ASTN2: variants seen among roughly 807,000 people sequenced by gnomAD.
ASTN2 encodes astrotactin 2.
ASTN2 carries 54 observed loss-of-function variants against 139.8 expected under a neutral mutation model. The observed-to-expected ratio is 0.39, with a 90% CI of 0.31 to 0.48. ASTN2 has a LOEUF of 0.48. Ranked by LOEUF, ASTN2 falls within the 20% of genes least tolerant of loss-of-function variation. The pLI, the probability that ASTN2 is intolerant of heterozygous loss-of-function variation, is 0.95. For synonymous variants in ASTN2, 756 were observed against 719.5 expected, an observed-to-expected ratio of 1.05 and a Z score of -0.81; for missense variants, 1,565 against 1,725.1, an observed-to-expected ratio of 0.91 and a Z score of 1.64.
chr9:117,267,911 C>T (rs1020715172), intron 2 of ASTN2, among the ~76,000 whole-genome samples: 7 of 152,164 alleles, frequency 4.6e-5, no homozygotes, highest in Non-Finnish European at 7.3e-5. Flanking sequence ...GCAACTCCTC[C>T]GAACCTCCAG....
chr9:117,060,372 A>G (rs1419640065), intron 5 of ASTN2, among the ~76,000 whole-genome samples: 8 of 72,342 alleles, frequency 1.1e-4, no homozygotes, highest in African/African-American at 6.2e-4. Context: ...GAAAGAAAGA[A>G]AGAAAGAAAG....
At chr9:117,123,113 G>A (rs191297880) in intron 4 of ASTN2, among the ~76,000 whole-genome samples, 2 of 152,172 alleles carry the variant, frequency 1.3e-5, no homozygotes, top group Admixed American at 6.5e-5. Context: ...CTGTAAGGCC[G>A]TTAAAACACA....
rs1393949124 is a variant in ASTN2 at position 117,027,175 on chromosome 9, C to T, written c.1423+12644G>A. Among the ~76,000 whole-genome samples the T allele has an allele frequency of 2.6e-5, 4 of 152,174 alleles. 1 individual carries two copies. Among genetic ancestry groups the T allele is most frequent in the Admixed American group, 2.0e-4 (3 of 15,278 alleles). ...TTTAGAAATATAATCTCATTTGATT[C>T]TCCCAACCCTACAGATTAAGAAATA... On this transcript the variant is annotated intron_variant, in intron 6 of 22. Coordinates refer to ENST00000313400, the MANE Select transcript of ASTN2 (RefSeq NM_001365068.1).
At chr9:117,112,360 G>A (rs542913585) in intron 4 of ASTN2, among the ~76,000 whole-genome samples, 1 of 152,188 alleles carries the variant, frequency 6.6e-6, no homozygotes, top group South Asian at 2.1e-4. Context: ...AACAAAGTTG[G>A]TAGACTTAAC....
chr9:117,295,327 T>G (rs1326963951), intron 1 of ASTN2, among the ~76,000 whole-genome samples: 1 of 151,628 alleles, frequency 6.6e-6, no homozygotes, highest in African/African-American at 2.4e-5. Context: ...GTCTTTAAAA[T>G]AAAATAAAAT....
chr9:116,549,976 C>T (rs1013058183), intron 19 of ASTN2, among the ~76,000 whole-genome samples: 2 of 152,208 alleles, frequency 1.3e-5, no homozygotes, highest in African/African-American at 2.4e-5. Context: ...CACTCTCCTA[C>T]GCAATGGAAC....
At chr9:117,344,549 T>G (rs1416316917) in intron 1 of ASTN2, among the ~76,000 whole-genome samples, 1 of 152,170 alleles carries the variant, frequency 6.6e-6, no homozygotes, top group Non-Finnish European at 1.5e-5. Flanking sequence ...TTTGTCTTTG[T>G]GTACACACAC....
chr9:116,781,704 C>T (rs41448244), intron 13 of ASTN2, among the ~76,000 whole-genome samples: 2,160 of 152,178 alleles, frequency 0.014, 57 homozygotes, highest in African/African-American at 0.049. Context: ...TCTGATTCCT[C>T]CATGGGTTTC....
chr9:116,763,035 CA>C (rs1203740171), intron 13 of ASTN2, among the ~76,000 whole-genome samples: 2 of 152,108 alleles, frequency 1.3e-5, no homozygotes, highest in African/African-American at 4.8e-5. Flanking sequence ...TACTTTATTC[CA>C]ATGTCTGTTC....
intron 10 of ASTN2, among the ~76,000 whole-genome samples, chr9:116,872,926 C>T (rs1833203697): frequency 6.6e-6 from 1 of 152,064 alleles, no homozygotes; most frequent in Admixed American, 6.6e-5. Context: ...AGAGAAGATT[C>T]CTGTGTGCCA....
At chr9:117,361,804 TA>T (rs146378379) in intron 1 of ASTN2, among the ~76,000 whole-genome samples, 2,131 of 152,260 alleles carry the variant, frequency 0.014, 59 homozygotes, top group African/African-American at 0.049. Context: ...TCCTCATATA[TA>T]AAAAATAGTA....
At chr9:117,305,574 C>T (rs1834978465) in intron 1 of ASTN2, among the ~76,000 whole-genome samples, 1 of 152,182 alleles carries the variant, frequency 6.6e-6, no homozygotes, top group East Asian at 1.9e-4. Context: ...TCACTTTCAT[C>T]ATATAAACTG....
chr9:116,884,627 G>A (rs535083188), intron 10 of ASTN2, among the ~76,000 whole-genome samples: 129 of 151,948 alleles, frequency 8.5e-4, no homozygotes, highest in African/African-American at 3.0e-3. Flanking sequence ...GGCCAAGATC[G>A]TGCCACTGCA....
intron 16 of ASTN2, among the ~76,000 whole-genome samples, chr9:116,716,809 T>C (rs1258620712): frequency 6.6e-6 from 1 of 152,212 alleles, no homozygotes; most frequent in Admixed American, 6.5e-5. Flanking sequence ...TGCTGGGAGA[T>C]ACTGGTGGTA....
At chr9:116,678,300 G>C (rs948221461) in intron 16 of ASTN2, among the ~76,000 whole-genome samples, 1 of 152,168 alleles carries the variant, frequency 6.6e-6, no homozygotes, top group Non-Finnish European at 1.5e-5. Context: ...ACAATAAAAA[G>C]AGTCAGACCT....
chr9:116,859,817 C>T (rs926979765), intron 11 of ASTN2, among the ~76,000 whole-genome samples: 1 of 152,214 alleles, frequency 6.6e-6, no homozygotes, highest in African/African-American at 2.4e-5. Flanking sequence ...GTGAGTGATC[C>T]TCCCCACTGT....
chr9:116,502,913 A>C (rs1021682154), intron 19 of ASTN2, among the ~76,000 whole-genome samples: 2 of 141,476 alleles, frequency 1.4e-5, no homozygotes, highest in African/African-American at 5.2e-5. Flanking sequence ...GGAGGAAAGG[A>C]GGGAGGGAGG....
At chr9:117,400,321 C>G (rs756651276) in intron 1 of ASTN2, among the ~76,000 whole-genome samples, 1 of 152,234 alleles carries the variant, frequency 6.6e-6, no homozygotes, top group Non-Finnish European at 1.5e-5. Flanking sequence ...CCTTTCTCAG[C>G]CATCAGTCTT....
At chr9:116,899,945 T>G (rs1018800846) in intron 10 of ASTN2, among the ~76,000 whole-genome samples, 1 of 152,134 alleles carries the variant, frequency 6.6e-6, no homozygotes, top group African/African-American at 2.4e-5. Context: ...ACCTAGGAAC[T>G]GACTCAGCAC....
Sources: allele counts gnomAD v4.1 joint callset (sites outside exome capture counted in the v4.1 genomes callset), GRCh38; gene constraint gnomAD v4.1.1; transcripts MANE v1.5; gene names NCBI Gene and HGNC (gene_info 2026-07-23, HGNC 2026-07-21).